Variants in ZNF207 observed in about 807,000 individuals in gnomAD.
ZNF207 encodes BUB3-interacting and GLEBS motif-containing protein ZNF207.
ZNF207 carries 24 observed loss-of-function variants against 60.2 expected under a neutral mutation model. That is an observed-to-expected ratio of 0.40 (90% CI 0.29 to 0.56). ZNF207 has a LOEUF of 0.56. ZNF207 is among the 20% of genes least tolerant of loss of function. The pLI is 0.49. For synonymous variants in ZNF207, 236 were observed against 194.7 expected (o/e 1.21, Z -1.77); for missense variants, 452 against 636.6 (o/e 0.71, Z 3.12).
Position 32,375,630 on chromosome 17 carries a change from A to G in ZNF207, c.*5871A>G, listed in dbSNP as rs755229917. ...AATGAAAGAAAATTGTGAAGTCACC[A>G]CTTTAACTGAGTCAAAATTTTGTTT... is the stretch of plus-strand genomic sequence containing the variant. On this transcript the variant is annotated 3_prime_UTR_variant, in exon 12 of 12. Transcript: ENST00000394670. 6.6e-6 allele frequency: 1 copy of G among 152,162 alleles called. No homozygotes were observed. Among genetic ancestry groups the G allele is most frequent in the South Asian group, 2.1e-4 (1 of 4,832 alleles). 9.4% of individuals were successfully genotyped at this position (152,162 alleles called of 1,614,324 possible).
Position 32,374,574 on chromosome 17 carries a change from C to T in ZNF207, c.*4815C>T, listed in dbSNP as rs1306468602. The T allele has an allele frequency of 6.6e-6, 1 of 152,118 alleles. No individual in the cohort carries two copies. The highest frequency in any genetic ancestry group is 1.5e-5 in the Non-Finnish European group (1 of 68,034). The allele number at this position is 152,118 out of a possible 1,614,324, so 9.4% of individuals were successfully genotyped here. The stretch of plus-strand genomic sequence containing the variant: ...TTGAATGTTAAGGCTAAAAGGTCAT[C>T]TGGAAATGCTTAATTTTAAAATATT... On this transcript the variant is annotated 3_prime_UTR_variant, in exon 12 of 12. Transcript: ENST00000394670.
At chr17:32,360,539 T>C (rs1344748261) in intron 3 of ZNF207, 59 bp from the exon 4 acceptor site, 5 of 1,464,992 alleles carry the variant, frequency 3.4e-6, no homozygotes, top group African/African-American at 2.9e-5. Context: ...AAATATTGAA[T>C]GTTGTAAATA....
chr17:32,376,384 TG>T lies in ZNF207; in HGVS notation c.*6626del, dbSNP rs1196957696. ...TTGCTTTTAATAAGTATATTTTTCT[TG>T]CTCTTGGCTCTATACATTTTTGCAT... On this transcript the variant is annotated 3_prime_UTR_variant, in exon 12 of 12. Coordinates refer to ENST00000394670, the MANE Select transcript of ZNF207 (RefSeq NM_001098507.2). 6.6e-6 allele frequency: 1 copy of T among 152,126 alleles called. No homozygotes were observed. Among genetic ancestry groups the T allele is most frequent in the Non-Finnish European group, 1.5e-5 (1 of 67,940 alleles). 9.4% of individuals were successfully genotyped at this position (152,126 alleles called of 1,614,324 possible). A position where few individuals can be genotyped will look rare whatever the true frequency, so the allele number is the denominator to read the frequency against.
intron 2 of ZNF207, among the ~76,000 whole-genome samples, chr17:32,355,194 A>G (rs2150788779): frequency 6.6e-6 from 1 of 152,282 alleles, no homozygotes; most frequent in Middle Eastern, 3.4e-3. Flanking sequence ...TAATAGTTCG[A>G]GACTAGCCTG....
intron 10 of ZNF207, 58 bp downstream of exon 10, chr17:32,368,072 C>A: frequency 6.3e-7 from 1 of 1,595,562 alleles, no homozygotes; most frequent in South Asian, 1.1e-5. Context: ...TATAGCAGTT[C>A]GTCCCTTTAA....
intron 1 of ZNF207, 114 bp downstream of exon 1, chr17:32,350,440 C>G (rs1375439717): frequency 7.2e-7 from 1 of 1,383,616 alleles, no homozygotes; most frequent in African/African-American, 1.4e-5. Flanking sequence ...TAGGCGTCTG[C>G]GTGGGTGGCC....
chr17:32,369,977 C>A lies in ZNF207; in HGVS notation c.*218C>A. The A allele has an allele frequency of 2.3e-6, 1 of 430,354 alleles. No individual in the cohort carries two copies. Among genetic ancestry groups the A allele is most frequent in the Non-Finnish European group, 3.8e-6 (1 of 264,822 alleles). 26.7% of individuals were successfully genotyped at this position (430,354 alleles called of 1,614,324 possible). Reference sequence around the variant, plus strand: ...TGAAGTTGCAATTTATACTGTATGGCTTCTTTTTCATGTTTCATCTAGGTT... The same window carrying A: ...TGAAGTTGCAATTTATACTGTATGGATTCTTTTTCATGTTTCATCTAGGTT... On this transcript the variant is annotated 3_prime_UTR_variant, in exon 12 of 12. Transcript: ENST00000394670.
chr17:32,359,163 A>G (rs538560132), intron 3 of ZNF207, among the ~76,000 whole-genome samples: 18 of 152,076 alleles, frequency 1.2e-4, no homozygotes, highest in Non-Finnish European at 1.8e-4. Flanking sequence ...CCCAGGCTGG[A>G]GTGCAGAGGT....
intron 7 of ZNF207, among the ~76,000 whole-genome samples, chr17:32,364,361 C>CTTT (rs397858000): frequency 0.019 from 2,671 of 137,344 alleles, 86 homozygotes; most frequent in African/African-American, 0.067. Context: ...GTTTTTTTTT[C>CTTT]TTTTTTTTTT....
rs140509036 is a variant in ZNF207, at chr17:32,366,047, A to G, written c.828+560A>G. On this transcript the variant is annotated intron_variant, in intron 8 of 11. Coordinates refer to ENST00000394670, the MANE Select transcript of ZNF207 (RefSeq NM_001098507.2). The stretch of plus-strand genomic sequence containing the variant: ...TAAGTGAAAGATGCTTCTGTTCTAT[A>G]TGGTATACACATGATGGTTAACACC... Among the ~76,000 whole-genome samples, 111 of 152,272 alleles carry G rather than the reference A, an allele frequency of 7.3e-4. No homozygotes were observed. The East Asian group carries it at 0.019, about 27-fold the overall frequency.
rs1362447228 is a variant in ZNF207 at position 32,379,106 on chromosome 17, G to A, written c.*9347G>A. 2.0e-5 allele frequency: 3 copies of A among 152,022 alleles called. No individual in the cohort carries two copies. The highest frequency in any genetic ancestry group is 4.1e-4 in the South Asian group (2 of 4,828). 9.4% of individuals were successfully genotyped at this position (152,022 alleles called of 1,614,324 possible). A position where few individuals can be genotyped will look rare whatever the true frequency, so the allele number is the denominator to read the frequency against. On this transcript the variant is annotated 3_prime_UTR_variant, in exon 12 of 12. Coordinates refer to ENST00000394670, the MANE Select transcript of ZNF207 (RefSeq NM_001098507.2). ...TGTTTTTTAATGTAAAATTGCACAA[G>A]GGCTTAAGTTTCATTGCCTTTCACA...
intron 2 of ZNF207, among the ~76,000 whole-genome samples, chr17:32,357,593 C>T (rs1431820839): frequency 3.3e-5 from 5 of 151,644 alleles, no homozygotes; most frequent in Admixed American, 1.3e-4. Flanking sequence ...GTGATCCGCC[C>T]GCCTCGGCCT....
At position 32,374,209 on chromosome 17, in the gene ZNF207, ATTCTTT is replaced by A. The variant is rs922358519; in HGVS notation, c.*4453_*4458del. 9.4e-6 allele frequency: 1 copy of A among 106,912 alleles called. No homozygotes were observed. Among genetic ancestry groups the A allele is most frequent in the Non-Finnish European group, 1.9e-5 (1 of 52,096 alleles). The allele number at this position is 106,912 out of a possible 1,614,324, so 6.6% of individuals were successfully genotyped here. A position where few individuals can be genotyped will look rare whatever the true frequency, so the allele number is the denominator to read the frequency against. Reference sequence around the variant, plus strand: ...GCCACCGCGCCTGGCCAAAATCTGCATTCTTTTTTTTTTTTTTTTTTTTTTTTTGAG... The same window carrying A: ...GCCACCGCGCCTGGCCAAAATCTGCATTTTTTTTTTTTTTTTTTTTTTGAG... On this transcript the variant is annotated 3_prime_UTR_variant, in exon 12 of 12. Coordinates refer to ENST00000394670, the MANE Select transcript of ZNF207 (RefSeq NM_001098507.2).
chr17:32,362,129 AAAGT>A (rs1904917301), intron 6 of ZNF207, among the ~76,000 whole-genome samples: 1 of 118,396 alleles, frequency 8.4e-6, no homozygotes, highest in African/African-American at 3.6e-5. Context: ...CTAAAAAAAA[AAAGT>A]GTGTGTGTGT....
rs1344266671 is a variant in ZNF207, at chr17:32,377,498, TACATGTTTTTAAAATTG to T, written c.*7741_*7757del. 1 of 152,026 alleles carries T rather than the reference TACATGTTTTTAAAATTG, an allele frequency of 6.6e-6. No individual in the cohort carries two copies. Among genetic ancestry groups the T allele is most frequent in the Non-Finnish European group, 1.5e-5 (1 of 67,868 alleles). 9.4% of individuals were successfully genotyped at this position (152,026 alleles called of 1,614,324 possible). A position where few individuals can be genotyped will look rare whatever the true frequency, so the allele number is the denominator to read the frequency against. ...AGAAACAATAGAATTTGCTTCTCAG[TACATGTTTTTAAAATTG>T]AGAATCTCTGATGTGACAAAATCAA... On this transcript the variant is annotated 3_prime_UTR_variant, in exon 12 of 12. Coordinates refer to ENST00000394670, the MANE Select transcript of ZNF207 (RefSeq NM_001098507.2).
chr17:32,366,553 G>A lies in ZNF207; in HGVS notation c.829-112G>A, dbSNP rs562944330. The A allele has an allele frequency of 1.8e-5, 12 of 676,336 alleles. No individual in the cohort carries two copies. In the South Asian group the frequency reaches 2.2e-4, roughly 13 times the overall value. The allele number at this position is 676,336 out of a possible 1,614,324, so 41.9% of individuals were successfully genotyped here. On this transcript the variant is annotated intron_variant, in intron 8 of 11. Coordinates refer to ENST00000394670, the MANE Select transcript of ZNF207 (RefSeq NM_001098507.2). ...CTTTTAAAATAAGTGACATTTGATT[G>A]CATTAAATTTTGCATTTACAAATAT... is the stretch of plus-strand genomic sequence containing the variant.
Position 32,377,838 on chromosome 17 carries a change from A to G in ZNF207, c.*8079A>G, listed in dbSNP as rs899335806. 5 of 152,192 alleles carry G rather than the reference A, an allele frequency of 3.3e-5. No homozygotes were observed. Among genetic ancestry groups the G allele is most frequent in the Non-Finnish European group, 7.4e-5 (5 of 67,814 alleles). The allele number at this position is 152,192 out of a possible 1,614,324, so 9.4% of individuals were successfully genotyped here. ...AATGTATTAGTATCAGGCTCTGAGGAAATTTAATGCACATTGACTTTTTAA... is the reference window on the plus strand; with the variant it reads ...AATGTATTAGTATCAGGCTCTGAGGGAATTTAATGCACATTGACTTTTTAA... On this transcript the variant is annotated 3_prime_UTR_variant, in exon 12 of 12. Coordinates refer to ENST00000394670, the MANE Select transcript of ZNF207 (RefSeq NM_001098507.2).
In ZNF207 at chr17:32,369,650, T is replaced by C. The variant is rs1250769647; in HGVS notation, c.1376T>C (p.Met459Thr). The change falls in exon 12 of 12, where the codon ATG (methionine) becomes ACG (threonine). Residue 459 changes from methionine (M) to threonine (T), a missense_variant. Physicochemically the swap from Met to Thr is moderately conservative, Grantham distance 81. This residue lies in a region of ZNF207 where 390 missense variants were observed against 461.4 expected (regional missense o/e 0.85). Transcript: ENST00000394670. ...QGMPGYLPGA[M>T]PPYGQGPPMV... is the part of the protein sequence containing the mutation. ...ATGCCAGGATACCTTCCTGGTGCTA[T>C]GCCCCCGTATGGGCAGGGACCGCCA... is the stretch of plus-strand genomic sequence containing the variant. The C allele has an allele frequency of 6.3e-7, 1 of 1,588,768 alleles. No individual in the cohort carries two copies. The highest frequency in any genetic ancestry group is 8.6e-7 in the Non-Finnish European group (1 of 1,167,784).
intron 5 of ZNF207, 169 bp from the exon 6 acceptor site, chr17:32,361,299 A>G (rs891944720): frequency 1.7e-6 from 1 of 588,964 alleles, no homozygotes; most frequent in African/African-American, 1.9e-5. Context: ...AAGCAGAGAA[A>G]CTCTGTAAAT....
Sources: gnomAD v4.1 joint callset for allele counts (sites outside exome capture counted in the v4.1 genomes callset) on GRCh38, gnomAD v4.1.1 for gene constraint, gnomAD v4.1.1 regional missense constraint, MANE v1.5 for transcripts, NCBI Gene and HGNC (gene_info 2026-07-23, HGNC 2026-07-21) for gene names.